The following ZFHX3 variants were observed in gnomAD, a reference collection of about 807,000 sequenced individuals.
ZFHX3 encodes zinc finger homeobox protein 3.
ZFHX3 carries 42 observed loss-of-function variants against 279.1 expected under a neutral mutation model. The ratio of observed to expected loss-of-function variants is 0.15; its 90% CI spans 0.12 to 0.19. ZFHX3 has a LOEUF of 0.19. ZFHX3 is among the 10% of genes least tolerant of loss of function. The pLI is 1.00. For missense variants in ZFHX3, 4,981 were observed against 4,754.0 expected (o/e 1.05, Z -1.40); for synonymous variants, 2,293 against 1,957.8 (o/e 1.17, Z -4.52).
chr16:73,688,498 C>T (rs1391913039), intron 1 of ZFHX3, among the ~76,000 whole-genome samples: 2 of 152,148 alleles, frequency 1.3e-5, no homozygotes, highest in East Asian at 3.9e-4. Flanking sequence ...CCCCAGAGAG[C>T]TGCCTTGCCC....
intron 1 of ZFHX3, among the ~76,000 whole-genome samples, chr16:73,820,691 T>C (rs976252596): frequency 2.0e-5 from 3 of 151,988 alleles, no homozygotes; most frequent in Non-Finnish European, 2.9e-5. Flanking sequence ...ATGAGAGATA[T>C]ATAATAATAG....
chr16:72,899,269 C>A (rs1476880589), intron 3 of ZFHX3, among the ~76,000 whole-genome samples: 1 of 152,152 alleles, frequency 6.6e-6, no homozygotes, highest in Admixed American at 6.5e-5. Context: ...TGGGAGGTAA[C>A]TGAATCATGG....
At position 73,515,604 on chromosome 16, in the gene ZFHX3, G is replaced by A. The variant is rs1484585323; in HGVS notation, c.-1546-59346C>T. On this transcript the variant is annotated intron_variant, in intron 2 of 17. Transcript: ENST00000641206. ...AGGGAGAGAGAGAGAGGAAGAGAGG[G>A]AGAGAAAGAGTTGAAGGAGAACAAA... Among the ~76,000 whole-genome samples, 3 of 151,838 alleles carry A rather than the reference G, an allele frequency of 2.0e-5. No homozygotes were observed. In the East Asian group the frequency reaches 5.8e-4, roughly 29 times the overall value.
intron 1 of ZFHX3, among the ~76,000 whole-genome samples, chr16:73,790,825 A>AAACTCAAGTTTGCCTTGGC (rs1398435710): frequency 3.9e-5 from 6 of 152,238 alleles, no homozygotes; most frequent in Non-Finnish European, 7.3e-5. Flanking sequence ...GGAAAATGAG[A>AAACTCAAGTTTGCCTTGGC]AACTCAAGTT....
intron 1 of ZFHX3, among the ~76,000 whole-genome samples, chr16:73,848,815 C>T (rs1395740777): frequency 6.6e-6 from 1 of 152,174 alleles, no homozygotes; most frequent in African/African-American, 2.4e-5. Context: ...GAAACTTCTT[C>T]CTTATGTTGA....
intron 2 of ZFHX3, among the ~76,000 whole-genome samples, chr16:73,467,652 A>T (rs2018595883): frequency 6.6e-6 from 1 of 152,204 alleles, no homozygotes; most frequent in African/African-American, 2.4e-5. Flanking sequence ...ATTCACTGAA[A>T]AGTTTTATTT....
chr16:73,183,847 G>T (rs981278862), intron 5 of ZFHX3, among the ~76,000 whole-genome samples: 3 of 151,888 alleles, frequency 2.0e-5, no homozygotes, highest in Non-Finnish European at 4.4e-5. Flanking sequence ...CCTGCGAACC[G>T]TGGGGGCGCT....
chr16:73,607,326 C>G (rs980993686), intron 2 of ZFHX3, among the ~76,000 whole-genome samples: 1 of 152,172 alleles, frequency 6.6e-6, no homozygotes, highest in African/African-American at 2.4e-5. Context: ...CATGCCCAGC[C>G]GATCTCATTC....
intron 7 of ZFHX3, among the ~76,000 whole-genome samples, chr16:73,105,304 CATAT>C (rs565091539): frequency 6.9e-6 from 1 of 145,856 alleles, no homozygotes; most frequent in Non-Finnish European, 1.5e-5. Context: ...CATATATATA[CATAT>C]ATATACACAC....
chr16:73,286,164 GTC>G (rs753025903), intron 4 of ZFHX3, among the ~76,000 whole-genome samples: 9 of 151,300 alleles, frequency 5.9e-5, no homozygotes, highest in East Asian at 3.9e-4. Context: ...CTCTCTCTCT[GTC>G]TCTCTCTCTC....
At position 73,553,732 on chromosome 16, in the gene ZFHX3, T is replaced by C. The variant is rs145611892; in HGVS notation, c.-1546-97474A>G. Among the ~76,000 whole-genome samples, 158 of 152,300 alleles carry C rather than the reference T, an allele frequency of 1.0e-3. 4 individuals are homozygous for C. In the East Asian group the frequency reaches 0.027, roughly 26 times the overall value. Reference sequence around the variant, plus strand: ...TTGAGGACACGATGGGGATCCCACCTGGCTAGATAGCACCATAGACTCCAG... The same window carrying C: ...TTGAGGACACGATGGGGATCCCACCCGGCTAGATAGCACCATAGACTCCAG... On this transcript the variant is annotated intron_variant, in intron 2 of 17. Coordinates refer to the ZFHX3 transcript ENST00000641206.
chr16:73,605,364 C>G (rs1377333377), intron 2 of ZFHX3, among the ~76,000 whole-genome samples: 1 of 152,184 alleles, frequency 6.6e-6, no homozygotes, highest in African/African-American at 2.4e-5. Flanking sequence ...AAAACACTAT[C>G]TCTGGGATCC....
rs139140425 is a variant in ZFHX3 at position 73,038,821 on chromosome 16, G to A, written c.-50+8931C>T. ...TTATTATTATTATTATTATTGAGTC[G>A]GGATGTCACTCTGTCACCCAGGCTG... On this transcript the variant is annotated intron_variant, in intron 1 of 9. Coordinates refer to ENST00000268489, the MANE Select transcript of ZFHX3 (RefSeq NM_006885.4). Among the ~76,000 whole-genome samples, 263 of 150,344 alleles carry A rather than the reference G, an allele frequency of 1.7e-3. 2 individuals carry two copies. Among genetic ancestry groups the A allele is most frequent in the African/African-American group, 5.4e-3 (218 of 40,746 alleles).
intron 3 of ZFHX3, among the ~76,000 whole-genome samples, chr16:72,894,595 C>A (rs1216729843): frequency 1.3e-5 from 2 of 152,220 alleles, no homozygotes; most frequent in Non-Finnish European, 2.9e-5. Context: ...GCCTTCCCCG[C>A]AGAAGGGAGT....
chr16:73,229,005 A>G (rs1291076246), intron 5 of ZFHX3, among the ~76,000 whole-genome samples: 1 of 152,178 alleles, frequency 6.6e-6, no homozygotes, highest in African/African-American at 2.4e-5. Flanking sequence ...TATACTCGGT[A>G]TATACTCAAT....
chr16:73,824,300 T>G (rs1297896771), intron 1 of ZFHX3, among the ~76,000 whole-genome samples: 1 of 152,082 alleles, frequency 6.6e-6, no homozygotes, highest in East Asian at 1.9e-4. Flanking sequence ...AACACTGGTC[T>G]GAACTTTTTA....
intron 2 of ZFHX3, among the ~76,000 whole-genome samples, chr16:73,679,279 C>T (rs1334738935): frequency 1.3e-5 from 2 of 151,976 alleles, no homozygotes; most frequent in South Asian, 2.1e-4. Context: ...TTAACAATGT[C>T]GCCATTTTCA....
intron 7 of ZFHX3, among the ~76,000 whole-genome samples, chr16:72,802,857 C>G (rs1312200395): frequency 6.6e-6 from 1 of 152,220 alleles, no homozygotes; most frequent in African/African-American, 2.4e-5. Context: ...ATCCTGCCAA[C>G]AGAGCCCATT....
chr16:73,274,288 C>G (rs1255628088), intron 4 of ZFHX3, among the ~76,000 whole-genome samples: 2 of 152,206 alleles, frequency 1.3e-5, no homozygotes, highest in East Asian at 3.9e-4. Flanking sequence ...TGTTAGTTGA[C>G]TTTTGATATG....
Sources: gnomAD v4.1 joint callset for allele counts (sites outside exome capture counted in the v4.1 genomes callset) on GRCh38, gnomAD v4.1.1 for gene constraint, MANE v1.5 for transcripts, NCBI Gene and HGNC (gene_info 2026-07-23, HGNC 2026-07-21) for gene names.